The following UBAP2 variants were observed in gnomAD, a reference collection of about 807,000 sequenced individuals.
The protein encoded by UBAP2 is ubiquitin-associated protein 2.
In UBAP2, 75 loss-of-function variants were observed where a neutral mutation model predicts 139.6. The ratio of observed to expected loss-of-function variants is 0.54; its 90% CI spans 0.45 to 0.65. UBAP2 has a LOEUF of 0.65. UBAP2 is among the 30% of genes least tolerant of loss of function. UBAP2 has a pLI of 0.00. For missense variants in UBAP2, 1,368 were observed against 1,369.6 expected, an observed-to-expected ratio of 1.00 and a Z score of 0.02; for synonymous variants, 526 against 526.2, an observed-to-expected ratio of 1.00 and a Z score of 0.01.
Position 33,926,876 on chromosome 9 carries a change from G to A in UBAP2, c.2463+113C>T, listed in dbSNP as rs928694254. 8 of 1,116,808 alleles carry A rather than the reference G, an allele frequency of 7.2e-6. No individual in the cohort carries two copies. The African/African-American group carries it at 1.2e-4, about 17-fold the overall frequency. 69.2% of individuals were successfully genotyped at this position (1,116,808 alleles called of 1,614,324 possible). On this transcript the variant is annotated intron_variant, in intron 21 of 28. Transcript: ENST00000379238. ...TGGGGCAGAGACGGGGGTGCTCAGG[G>A]ATGGAAGGGCAGCTCAAGGTGGGCA...
chr9:34,034,207 C>A (rs1431402403), intron 1 of UBAP2, among the ~76,000 whole-genome samples: 1 of 152,178 alleles, frequency 6.6e-6, no homozygotes, highest in Non-Finnish European at 1.5e-5. Flanking sequence ...GAGACAGTTA[C>A]ATCATCTCTA....
chr9:34,014,923 T>G (rs554893655), intron 2 of UBAP2, among the ~76,000 whole-genome samples: 1 of 152,288 alleles, frequency 6.6e-6, no homozygotes, highest in Non-Finnish European at 1.5e-5. Flanking sequence ...TAAGTGTATT[T>G]AGGATCAAGC....
At chr9:34,003,105 GCAGTAGTGTGCT>G (rs1822867140) in intron 2 of UBAP2, among the ~76,000 whole-genome samples, 2 of 148,298 alleles carry the variant, frequency 1.3e-5, no homozygotes, top group South Asian at 4.3e-4. Flanking sequence ...CTGTTGCCTT[GCAGTAGTGTGCT>G]CTCGGCTCGC....
intron 17 of UBAP2, chr9:33,933,997 A>G (rs956159327): frequency 3.7e-5 from 7 of 188,276 alleles, no homozygotes; most frequent in Non-Finnish European, 8.0e-5. Flanking sequence ...ACGTGAGGCA[A>G]ACTCCTCAAA....
At chr9:33,993,244 G>A (rs1343382911) in intron 4 of UBAP2, among the ~76,000 whole-genome samples, 1 of 152,174 alleles carries the variant, frequency 6.6e-6, no homozygotes, top group African/African-American at 2.4e-5. Context: ...TAGATAATAG[G>A]AAAAGAATCG....
chr9:34,017,585 A>G (rs1001114787), intron 1 of UBAP2, among the ~76,000 whole-genome samples: 3 of 152,216 alleles, frequency 2.0e-5, no homozygotes, highest in African/African-American at 7.2e-5. Context: ...GTCAAGAAAC[A>G]GGCTATGCCT....
chr9:34,030,373 C>T (rs892965587), intron 1 of UBAP2, among the ~76,000 whole-genome samples: 4 of 151,864 alleles, frequency 2.6e-5, no homozygotes, highest in African/African-American at 7.3e-5. Context: ...GGCGTGAACC[C>T]GGAAGGCGGA....
At chr9:34,035,514 A>ATAT (rs1554692767) in intron 1 of UBAP2, among the ~76,000 whole-genome samples, 5 of 22,474 alleles carry the variant, frequency 2.2e-4, no homozygotes, top group African/African-American at 6.4e-4. Flanking sequence ...AAAAAAAAAA[A>ATAT]ATATATATAT....
In UBAP2 at chr9:33,998,835, T is replaced by G. The variant is rs138921797; in HGVS notation, c.129A>C (p.Gln43His). Residue 43 changes from glutamine (Q) to histidine (H), a missense_variant, in exon 3 of 29, where the codon CAA (glutamine) becomes CAC (histidine). Gln to His is a conservative substitution (Grantham distance 24). Transcript: ENST00000379238. Reference protein sequence around the residue: ...QATAEQMRLAQVIFDKNDSDF... With the variant: ...QATAEQMRLAHVIFDKNDSDF... ...CTGAATCATTCTTATCAAAGATCAC[T>G]TGAGCGAGACGCATCTGTTCAGCTG... The G allele has an allele frequency of 6.2e-7, 1 of 1,611,930 alleles. No homozygotes were observed. Among genetic ancestry groups the G allele is most frequent in the Admixed American group, 1.7e-5 (1 of 59,952 alleles).
Position 33,927,881 on chromosome 9 carries a change from T to C in UBAP2, c.2287A>G (p.Asn763Asp). Residue 763 changes from asparagine (N) to aspartate (D), a missense_variant, in exon 20 of 29, where the codon AAC becomes GAC. Asn to Asp is a conservative substitution (Grantham distance 23). Transcript: ENST00000379238. Reference sequence around the variant, plus strand: ...CCCAGACAGAGGCTGTTCGCGGTGTTCATGCTACTGGACAGGCTGGCGCCT... The same window carrying C: ...CCCAGACAGAGGCTGTTCGCGGTGTCCATGCTACTGGACAGGCTGGCGCCT... ...SSGASLSSSM[N>D]TANSLCLGGT... is the part of the protein sequence containing the mutation. 6.2e-7 allele frequency: 1 copy of C among 1,614,184 alleles called. No homozygotes were observed.
chr9:33,943,347 G>C, intron 15 of UBAP2, 73 bp downstream of exon 15: 2 of 1,464,016 alleles, frequency 1.4e-6, no homozygotes, highest in Non-Finnish European at 1.9e-6. Context: ...ATTACCACAG[G>C]ATGTATTCTT....
chr9:33,966,064 T>A (rs991178485), intron 8 of UBAP2, among the ~76,000 whole-genome samples: 1 of 151,638 alleles, frequency 6.6e-6, no homozygotes, highest in South Asian at 2.1e-4. Context: ...AAATAAAAAA[T>A]CAGGGAGTGT....
chr9:34,020,004 A>T (rs1468467260), intron 1 of UBAP2, among the ~76,000 whole-genome samples: 1 of 151,910 alleles, frequency 6.6e-6, no homozygotes, highest in Non-Finnish European at 1.5e-5. Flanking sequence ...TACTAAAAAT[A>T]CAAAAATTAG....
At chr9:33,931,027 A>G (rs554782221) in intron 19 of UBAP2, among the ~76,000 whole-genome samples, 5 of 152,338 alleles carry the variant, frequency 3.3e-5, no homozygotes, top group South Asian at 2.1e-4. Flanking sequence ...TGAGAGACAG[A>G]AAAACTTTTC....
chr9:34,022,599 C>T (rs1488820331), intron 1 of UBAP2, among the ~76,000 whole-genome samples: 1 of 151,888 alleles, frequency 6.6e-6, no homozygotes, highest in Non-Finnish European at 1.5e-5. Context: ...CCGTGCCCAG[C>T]CGATTTTTTT....
Position 34,035,514 on chromosome 9 carries a change from A to AAAAAATATATATATATATATATATATAT in UBAP2, c.-42+13310_-42+13311insATATATATATATATATATATATATTTTT. Among the ~76,000 whole-genome samples the AAAAAATATATATATATATATATATATAT allele has an allele frequency of 8.0e-4, 18 of 22,486 alleles. 1 individual carries two copies. The highest frequency in any genetic ancestry group is 1.0e-3 in the African/African-American group (8 of 7,848). The allele number at this position is 22,486 out of a possible 152,430, so 14.8% of individuals were successfully genotyped here. On this transcript the variant is annotated intron_variant, in intron 1 of 28. Transcript: ENST00000379238. ...GAGACTCCATCTAAAAAAAAAAAAA[A>AAAAAATATATATATATATATATATATAT]ATATATATATATAAAGATTAGCCAG...
At chr9:33,945,836 A>G (rs1825619405) in intron 13 of UBAP2, among the ~76,000 whole-genome samples, 1 of 152,234 alleles carries the variant, frequency 6.6e-6, no homozygotes, top group Non-Finnish European at 1.5e-5. Context: ...TACTATATTA[A>G]TGGACTTTTA....
intron 2 of UBAP2, among the ~76,000 whole-genome samples, chr9:33,999,153 G>A (rs1387561202): frequency 6.6e-6 from 1 of 151,996 alleles, no homozygotes; most frequent in East Asian, 1.9e-4. Flanking sequence ...GGTAGAGTGG[G>A]GGAAATCAGC....
At chr9:34,019,123 G>C (rs1824667166) in intron 1 of UBAP2, among the ~76,000 whole-genome samples, 1 of 152,078 alleles carries the variant, frequency 6.6e-6, no homozygotes, top group African/African-American at 2.4e-5. Flanking sequence ...AATAAGGCTA[G>C]GGTGCAGTGG....
Sources: gnomAD v4.1 joint callset for allele counts (sites outside exome capture counted in the v4.1 genomes callset) on GRCh38, gnomAD v4.1.1 for gene constraint, MANE v1.5 for transcripts, NCBI Gene and HGNC (gene_info 2026-07-23, HGNC 2026-07-21) for gene names.